Variants in TTLL11 observed in about 807,000 individuals in gnomAD.
TTLL11 encodes tubulin polyglutamylase TTLL11.
Under a neutral mutation model 51.7 loss-of-function variants are expected in TTLL11, and 42 were observed. The ratio of observed to expected loss-of-function variants is 0.81; its 90% confidence interval spans 0.64 to 1.05. TTLL11 has a LOEUF of 1.05. Among genes scored for constraint, TTLL11 ranks in the 50% least tolerant of loss-of-function variants. The probability of loss-of-function intolerance (pLI) is 0.00; values close to 1 mark genes in which losing one functional copy is unlikely to be tolerated. For synonymous variants in TTLL11, 381 were observed against 383.5 expected (o/e 0.99, Z 0.08); for missense variants, 799 against 940.4 (o/e 0.85, Z 1.97).
chr9:122,084,825 T>C (rs1042633071), intron 1 of TTLL11, among the ~76,000 whole-genome samples: 1 of 152,300 alleles, frequency 6.6e-6, no homozygotes, highest in African/African-American at 2.4e-5. Flanking sequence ...CCCAGAAAAT[T>C]TGTATCTTTT....
intron 3 of TTLL11, among the ~76,000 whole-genome samples, chr9:122,015,807 CAAAAAAA>C (rs11297849): frequency 4.2e-5 from 4 of 94,504 alleles, no homozygotes; most frequent in South Asian, 4.1e-4. Context: ...TCAAAAGAGA[CAAAAAAA>C]AAAAAAAAAG....
intron 3 of TTLL11, among the ~76,000 whole-genome samples, chr9:122,022,329 A>G (rs546850473): frequency 6.6e-6 from 1 of 152,206 alleles, no homozygotes; most frequent in Admixed American, 6.5e-5. Flanking sequence ...TTACATCAAG[A>G]CACATCATAA....
chr9:122,024,509 G>A (rs1286931768), intron 3 of TTLL11, among the ~76,000 whole-genome samples: 3 of 152,170 alleles, frequency 2.0e-5, no homozygotes, highest in African/African-American at 7.2e-5. Context: ...CAAAGTTGGA[G>A]AGCTTACACT....
At chr9:122,005,893 C>T (rs571882887) in intron 3 of TTLL11, among the ~76,000 whole-genome samples, 1 of 152,248 alleles carries the variant, frequency 6.6e-6, no homozygotes, top group South Asian at 2.1e-4. Flanking sequence ...ACACAGACAG[C>T]CATGAGCTGG....
intron 6 of TTLL11, among the ~76,000 whole-genome samples, chr9:121,931,845 G>A (rs1840995834): frequency 1.3e-5 from 2 of 152,116 alleles, no homozygotes; most frequent in Non-Finnish European, 2.9e-5. Context: ...GATGCCAACT[G>A]TGGCTCCTCT....
At chr9:122,028,086 T>C (rs966466086) in intron 3 of TTLL11, among the ~76,000 whole-genome samples, 2 of 152,174 alleles carry the variant, frequency 1.3e-5, no homozygotes, top group African/African-American at 4.8e-5. Flanking sequence ...AGATGCATTG[T>C]AAACCCTAGA....
intron 6 of TTLL11, among the ~76,000 whole-genome samples, chr9:121,888,150 T>A (rs150973601): frequency 8.5e-5 from 13 of 152,260 alleles, no homozygotes; most frequent in Non-Finnish European, 1.9e-4. Flanking sequence ...GTTAAGCCCA[T>A]CCTGGCTGAC....
At chr9:121,899,221 C>T (rs1839654838) in intron 6 of TTLL11, among the ~76,000 whole-genome samples, 2 of 152,184 alleles carry the variant, frequency 1.3e-5, no homozygotes, top group South Asian at 4.2e-4. Flanking sequence ...CAGCTTGCTC[C>T]CTCTATCCTC....
Position 121,989,564 on chromosome 9 carries a change from C to G in TTLL11, c.900G>C (p.Leu300=). 3 of 1,614,126 alleles carry G rather than the reference C, an allele frequency of 1.9e-6. No individual in the cohort carries two copies. Among genetic ancestry groups the G allele is most frequent in the East Asian group, 2.2e-5 (1 of 44,882 alleles). ...GGTCTAAGGACTTGAGTAAGACATA[C>G]AGACGAATATCAAACTTGAGCTTGT... is the stretch of plus-strand genomic sequence containing the variant. ...LIDKLKFDIR[L]YVLLKSLDPL... is the part of the protein sequence containing the mutation. Residue 300 remains leucine, a synonymous_variant, in exon 4 of 9, where the codon CTG becomes CTC. Transcript: ENST00000321582. The surrounding 1 kb of genome is among the most constrained non-coding windows in gnomAD (Gnocchi z 4.2).
At chr9:121,906,707 C>T (rs1242713376) in intron 6 of TTLL11, among the ~76,000 whole-genome samples, 1 of 151,992 alleles carries the variant, frequency 6.6e-6, no homozygotes, top group African/African-American at 2.4e-5. Flanking sequence ...AATGCCAGCC[C>T]AGAGGGTGTA....
chr9:121,823,722 TG>T (rs1304302176), intron 8 of TTLL11, among the ~76,000 whole-genome samples: 3 of 152,214 alleles, frequency 2.0e-5, no homozygotes, highest in African/African-American at 7.2e-5. Flanking sequence ...TCATGCATTT[TG>T]CTGTCTGTAA....
At position 122,073,539 on chromosome 9, in the gene TTLL11, G is replaced by A. The variant is rs79159072; in HGVS notation, c.462+19148C>T. The stretch of plus-strand genomic sequence containing the variant: ...CACAAAGCAGGAGCATCAACCCAAG[G>A]TGGGGAAGGAAGGAGCTGGGAAGGC... On this transcript the variant is annotated intron_variant, in intron 1 of 8. Coordinates refer to ENST00000321582, the MANE Select transcript of TTLL11 (RefSeq NM_001139442.2). Among the ~76,000 whole-genome samples, 756 of 152,350 alleles carry A rather than the reference G, an allele frequency of 5.0e-3. 6 individuals carry two copies. Among genetic ancestry groups the A allele is most frequent in the Non-Finnish European group, 7.7e-3 (522 of 68,046 alleles).
chr9:121,922,553 G>A (rs980383560), intron 6 of TTLL11, among the ~76,000 whole-genome samples: 2 of 152,162 alleles, frequency 1.3e-5, no homozygotes, highest in Non-Finnish European at 2.9e-5. Flanking sequence ...TAGAAAGATC[G>A]CATTTGCTAA....
intron 8 of TTLL11, among the ~76,000 whole-genome samples, chr9:121,845,226 A>G (rs925989652): frequency 2.6e-5 from 4 of 152,110 alleles, no homozygotes; most frequent in African/African-American, 9.7e-5. Flanking sequence ...CTCACCTAAA[A>G]CCATGCAAGC....
intron 8 of TTLL11, among the ~76,000 whole-genome samples, chr9:121,838,118 G>T (rs1328723390): frequency 6.6e-6 from 1 of 152,104 alleles, no homozygotes; most frequent in Non-Finnish European, 1.5e-5. Context: ...CTGGGATATC[G>T]CATTAGCCTG....
At chr9:121,961,304 T>A (rs967474773) in intron 6 of TTLL11, among the ~76,000 whole-genome samples, 3 of 152,212 alleles carry the variant, frequency 2.0e-5, no homozygotes, top group African/African-American at 7.2e-5. Context: ...TCAGATTGGA[T>A]ATTTTCCATG....
chr9:121,997,904 A>G (rs1238723767), intron 3 of TTLL11, among the ~76,000 whole-genome samples: 2 of 149,902 alleles, frequency 1.3e-5, no homozygotes, highest in African/African-American at 4.9e-5. Context: ...TCATTTCCCA[A>G]CTCCTGGGGG....
intron 3 of TTLL11, among the ~76,000 whole-genome samples, chr9:122,014,728 T>C (rs1843914190): frequency 6.6e-6 from 1 of 152,190 alleles, no homozygotes; most frequent in Non-Finnish European, 1.5e-5. Context: ...CATGAACCTA[T>C]AGGCCATGGG....
intron 3 of TTLL11, among the ~76,000 whole-genome samples, chr9:122,009,042 G>A (rs541995292): frequency 6.6e-6 from 1 of 152,310 alleles, no homozygotes; most frequent in Middle Eastern, 3.4e-3. Context: ...AGGGGCATTG[G>A]GGAGCTATTT....
Sources: allele counts gnomAD v4.1 joint callset (sites outside exome capture counted in the v4.1 genomes callset), GRCh38; gene constraint gnomAD v4.1.1; non-coding constraint Gnocchi (gnomAD v3.1); transcripts MANE v1.5; gene names NCBI Gene and HGNC (gene_info 2026-07-23, HGNC 2026-07-21).